UPP2: variants seen among roughly 807,000 people sequenced by gnomAD.
UPP2 encodes the protein uridine phosphorylase 2.
In UPP2, 23 loss-of-function variants were observed where a neutral mutation model predicts 26.7. The ratio of observed to expected loss-of-function variants is 0.86; its 90% CI spans 0.62 to 1.22. The LOEUF is 1.22. Ranked by LOEUF, UPP2 falls within the 50% of genes most tolerant of loss-of-function variation. The pLI is 0.00. For synonymous variants in UPP2, 127 were observed against 141.3 expected, an observed-to-expected ratio of 0.90 and a Z score of 0.72; for missense variants, 387 against 396.7, an observed-to-expected ratio of 0.98 and a Z score of 0.21.
At chr2:158,101,222 C>A (rs1334544095), upstream of UPP2, among the ~76,000 whole-genome samples, 1 of 152,082 alleles carries the variant, frequency 6.6e-6, no homozygotes, top group African/African-American at 2.4e-5. Context: ...ATTTTTCTGT[C>A]CCAAAAGTGA....
chr2:158,024,107 C>T (rs992156586), intron 3 of UPP2, among the ~76,000 whole-genome samples: 3 of 152,130 alleles, frequency 2.0e-5, no homozygotes, highest in South Asian at 4.1e-4. Flanking sequence ...ATTCTTAGGT[C>T]TTGAGGAGGG....
chr2:158,134,888 T>C lies in UPP2; in HGVS notation c.952T>C (p.Ter318GlnextTer3), dbSNP rs1683899814. Residue 318 changes from the stop codon to glutamine (Q), a stop_lost, in exon 7 of 7, where the codon TAG becomes CAG. Coordinates refer to ENST00000005756, the MANE Select transcript of UPP2 (RefSeq NM_173355.4). The part of the protein sequence containing the change: ...FIRRRLGLCD[*>Q] ...CAGACGGCGGCTTGGACTTTGTGAC[T>C]AGACGTCCTAACTGGGCAGCCCAAC... 6.2e-7 allele frequency: 1 copy of C among 1,612,732 alleles called. No individual in the cohort carries two copies.
chr2:158,065,612 C>T (rs1241259963), intron 3 of UPP2: 20 of 573,544 alleles, frequency 3.5e-5, no homozygotes, highest in Admixed American at 6.5e-5. Flanking sequence ...TCTTACTACA[C>T]ACAACCCAAC....
intron 3 of UPP2, among the ~76,000 whole-genome samples, chr2:158,066,421 G>C (rs922080593): frequency 6.6e-6 from 1 of 152,170 alleles, no homozygotes. Context: ...AGGAAGATTA[G>C]GTGCCACCCG....
intron 3 of UPP2, among the ~76,000 whole-genome samples, chr2:158,068,341 G>A (rs952004527): frequency 6.6e-6 from 1 of 152,150 alleles, no homozygotes; most frequent in African/African-American, 2.4e-5. Context: ...TAGTTAACCC[G>A]AGGAGAAACA....
chr2:158,123,625 A>T, intron 5 of UPP2, 124 bp from the exon 6 acceptor site: 2 of 1,157,388 alleles, frequency 1.7e-6, no homozygotes, highest in South Asian at 3.2e-5. Flanking sequence ...AGTTTATCCT[A>T]CACGGGGAGC....
chr2:158,001,328 A>G (rs1285429850), intron 2 of UPP2, among the ~76,000 whole-genome samples: 1 of 152,198 alleles, frequency 6.6e-6, no homozygotes, highest in Non-Finnish European at 1.5e-5. Flanking sequence ...GGGCTAGTAG[A>G]AGGCCTGATG....
At chr2:158,043,372 AG>A (rs1263386762) in intron 3 of UPP2, among the ~76,000 whole-genome samples, 3 of 140,984 alleles carry the variant, frequency 2.1e-5, no homozygotes, top group Non-Finnish European at 4.9e-5. Context: ...AAAGGGCATC[AG>A]GGGTTGACCA....
chr2:158,129,589 A>G (rs748500005), intron 6 of UPP2, among the ~76,000 whole-genome samples: 24 of 151,600 alleles, frequency 1.6e-4, no homozygotes, highest in Admixed American at 6.5e-4. Context: ...CCACTATTCC[A>G]TAAGGTGCAA....
At chr2:158,017,863 T>TC (rs1454958243) in intron 3 of UPP2, among the ~76,000 whole-genome samples, 1 of 152,246 alleles carries the variant, frequency 6.6e-6, no homozygotes, top group Non-Finnish European at 1.5e-5. Context: ...CACAAACAAT[T>TC]CATTTTCTAT....
At chr2:157,999,587 T>C (rs922517714) in intron 2 of UPP2, among the ~76,000 whole-genome samples, 2 of 152,210 alleles carry the variant, frequency 1.3e-5, no homozygotes, top group African/African-American at 4.8e-5. Flanking sequence ...TTAATAACCA[T>C]GACTGCTATA....
intron 5 of UPP2, 146 bp downstream of exon 5, chr2:158,121,764 C>A (rs559724871): frequency 2.8e-6 from 2 of 721,494 alleles, no homozygotes; most frequent in Non-Finnish European, 4.6e-6. Context: ...TTTTTACTTA[C>A]TAAAGCATAG....
At chr2:158,132,281 G>A (rs533644808) in intron 6 of UPP2, among the ~76,000 whole-genome samples, 4 of 152,324 alleles carry the variant, frequency 2.6e-5, no homozygotes, top group African/African-American at 4.8e-5. Context: ...CAGTCTGACC[G>A]ATGGGTCAGT....
At chr2:158,128,076 C>A (rs1683731523) in intron 6 of UPP2, 4 of 942,646 alleles carry the variant, frequency 4.2e-6, no homozygotes, top group Non-Finnish European at 5.1e-6. Context: ...AAAGACAGTG[C>A]TGCCTTTTGA....
intron 3 of UPP2, among the ~76,000 whole-genome samples, chr2:158,087,299 A>C (rs1268762047): frequency 6.6e-6 from 1 of 152,140 alleles, no homozygotes; most frequent in South Asian, 2.1e-4. Flanking sequence ...CTGATATAAG[A>C]ATAGCTACTC....
chr2:158,065,545 A>G (rs1682421201), intron 3 of UPP2: 1 of 484,624 alleles, frequency 2.1e-6, no homozygotes. Context: ...CTAAATTAAC[A>G]TGGCTCAAAT....
At chr2:158,068,337 A>C (rs1027947745) in intron 3 of UPP2, among the ~76,000 whole-genome samples, 37 of 152,214 alleles carry the variant, frequency 2.4e-4, no homozygotes, top group African/African-American at 8.4e-4. Context: ...AGGCTAGTTA[A>C]CCCGAGGAGA....
At chr2:158,061,722 C>T (rs1682355002) in intron 3 of UPP2, among the ~76,000 whole-genome samples, 1 of 152,226 alleles carries the variant, frequency 6.6e-6, no homozygotes, top group African/African-American at 2.4e-5. Context: ...TTTTGAATTT[C>T]TTTCCTCTCT....
chr2:158,024,523 A>G (rs925522068), intron 3 of UPP2, among the ~76,000 whole-genome samples: 2 of 152,186 alleles, frequency 1.3e-5, no homozygotes, highest in Admixed American at 6.5e-5. Context: ...CGTCAATTTG[A>G]AGAGCTCAGA....
Sources: allele counts gnomAD v4.1 joint callset (sites outside exome capture counted in the v4.1 genomes callset), GRCh38; gene constraint gnomAD v4.1.1; transcripts MANE v1.5; gene names NCBI Gene and HGNC (gene_info 2026-07-23, HGNC 2026-07-21).